The following PAK3 variants were observed in gnomAD, a reference collection of about 807,000 sequenced individuals.
PAK3 encodes serine/threonine-protein kinase PAK 3.
In PAK3, 4 loss-of-function variants were observed where a neutral mutation model predicts 41.0. The ratio of observed to expected loss-of-function variants is 0.10; its 90% confidence interval spans 0.05 to 0.22. The LOEUF (loss-of-function observed/expected upper bound fraction) is 0.22. Among genes scored for constraint, PAK3 ranks in the 10% least tolerant of loss-of-function variants. PAK3 has a pLI of 1.00. For missense variants in PAK3, 205 were observed against 409.9 expected (o/e 0.50, Z 4.32); for synonymous variants, 146 against 139.6 (o/e 1.05, Z -0.32).
intron 1 of PAK3, among the ~76,000 whole-genome samples, chrX:110,999,922 C>T (rs1291840614): frequency 9.0e-6 from 1 of 111,285 alleles, no homozygotes; most frequent in African/African-American, 3.3e-5. Flanking sequence ...GAGCTAAGAT[C>T]GCGCCACTAC....
intron 1 of PAK3, among the ~76,000 whole-genome samples, chrX:111,052,348 G>A (rs763663497): frequency 1.8e-5 from 2 of 112,563 alleles, no homozygotes; most frequent in African/African-American, 6.5e-5. Context: ...AATGTTTTAC[G>A]TAGCTGTGTG....
At chrX:111,205,707 G>T (rs73545213) in intron 16 of PAK3, among the ~76,000 whole-genome samples, 21,464 of 110,548 alleles carry the variant, frequency 0.19, 4,614 homozygotes, top group African/African-American at 0.63. Context: ...CTCTGTAGTA[G>T]TATTAAAAGA....
intron 4 of PAK3, among the ~76,000 whole-genome samples, chrX:111,121,159 T>C (rs1603265083): frequency 8.9e-6 from 1 of 112,371 alleles, no homozygotes; most frequent in South Asian, 3.7e-4. Flanking sequence ...GTTCTGTAGT[T>C]TGACCTAAAT....
At chrX:111,066,636 A>G (rs1278901666) in intron 1 of PAK3, among the ~76,000 whole-genome samples, 1 of 112,091 alleles carries the variant, frequency 8.9e-6, no homozygotes, top group Non-Finnish European at 1.9e-5. Context: ...TTCTGCCTCA[A>G]TAATCTGTCT....
intron 7 of PAK3, among the ~76,000 whole-genome samples, chrX:111,151,618 T>A (rs750106562): frequency 8.9e-6 from 1 of 112,301 alleles, no homozygotes; most frequent in Non-Finnish European, 1.9e-5. Context: ...AATGGATGCC[T>A]GGAACCATGG....
chrX:110,961,841 G>T (rs912174624), intron 1 of PAK3, among the ~76,000 whole-genome samples: 3 of 111,945 alleles, frequency 2.7e-5, no homozygotes, highest in Non-Finnish European at 3.8e-5. Context: ...CAAATCTAAT[G>T]AATAGTTCTG....
chrX:111,170,866 G>A (rs867182137), intron 10 of PAK3, among the ~76,000 whole-genome samples: 1 of 111,424 alleles, frequency 9.0e-6, no homozygotes, highest in African/African-American at 3.3e-5. Context: ...AGCTAGACTG[G>A]TTAGATAGGA....
chrX:111,113,410 G>A lies in PAK3; in HGVS notation c.-27-9667G>A, dbSNP rs145957743. On this transcript the variant is annotated intron_variant, in intron 4 of 17. Transcript: ENST00000372007. The stretch of plus-strand genomic sequence containing the variant: ...TAGTATATATGAATGTTGGTGGTGG[G>A]AGGATGTAAGGCCAGGCAGCTATGT... 3.8e-4 allele frequency among the ~76,000 whole-genome samples: 42 copies of A among 111,482 alleles called. No individual in the cohort carries two copies. The East Asian group carries it at 8.5e-3, about 23-fold the overall frequency.
At chrX:111,028,034 T>C (rs960476646) in intron 1 of PAK3, among the ~76,000 whole-genome samples, 23 of 105,323 alleles carry the variant, frequency 2.2e-4, no homozygotes, top group African/African-American at 7.9e-4. Context: ...TATGTGTGTA[T>C]ATATATATAC....
intron 1 of PAK3, among the ~76,000 whole-genome samples, chrX:111,089,090 A>T (rs1395455025): frequency 8.9e-6 from 1 of 112,117 alleles, no homozygotes; most frequent in Non-Finnish European, 1.9e-5. Flanking sequence ...GTATGTAAAA[A>T]CCAGGCAAGT....
intron 1 of PAK3, among the ~76,000 whole-genome samples, chrX:111,059,341 T>A (rs2092635090): frequency 2.7e-5 from 3 of 110,681 alleles, no homozygotes; most frequent in Middle Eastern, 4.7e-3. Flanking sequence ...ATTATTTTTT[T>A]GTAATTTTTT....
intron 16 of PAK3, among the ~76,000 whole-genome samples, chrX:111,197,821 A>C (rs2094632846): frequency 9.0e-6 from 1 of 111,112 alleles, no homozygotes; most frequent in African/African-American, 3.3e-5. Flanking sequence ...CAGCCTCCCA[A>C]GTAGATGGGA....
chrX:110,956,373 G>C (rs1361221070), intron 1 of PAK3, among the ~76,000 whole-genome samples: 2 of 111,719 alleles, frequency 1.8e-5, no homozygotes, highest in African/African-American at 6.5e-5. Context: ...GCCATCCTCA[G>C]AGGACTTGTG....
At chrX:111,215,141 CA>C (rs1190229183) in intron 16 of PAK3, among the ~76,000 whole-genome samples, 2 of 111,823 alleles carry the variant, frequency 1.8e-5, no homozygotes, top group African/African-American at 6.5e-5. Flanking sequence ...CGTGATCCTT[CA>C]AAGCAAGAAC....
chrX:110,964,450 C>T (rs758827319), intron 1 of PAK3, among the ~76,000 whole-genome samples: 1 of 112,203 alleles, frequency 8.9e-6, no homozygotes, highest in Admixed American at 9.4e-5. Flanking sequence ...TGTAGCAGGT[C>T]CATGGACCAC....
chrX:111,092,576 AC>A (rs1024910305), upstream of PAK3, among the ~76,000 whole-genome samples: 3 of 111,888 alleles, frequency 2.7e-5, no homozygotes, highest in African/African-American at 9.8e-5. Flanking sequence ...TGATTCACTT[AC>A]TTGGGCAGGA....
chrX:111,060,025 C>T (rs2092642387), intron 1 of PAK3, among the ~76,000 whole-genome samples: 2 of 111,585 alleles, frequency 1.8e-5, no homozygotes, highest in East Asian at 2.8e-4. Context: ...TAAGGAGAAA[C>T]TTTCAGTCTT....
chrX:111,025,339 A>G, intron 1 of PAK3, among the ~76,000 whole-genome samples: 1 of 111,562 alleles, frequency 9.0e-6, no homozygotes. Flanking sequence ...ACAAAAGATA[A>G]ATGAAACAAA....
chrX:110,967,098 C>T (rs946212370), intron 1 of PAK3, among the ~76,000 whole-genome samples: 1 of 112,033 alleles, frequency 8.9e-6, no homozygotes, highest in Non-Finnish European at 1.9e-5. Flanking sequence ...GATCTTCCTG[C>T]CCAGACAAAC....
Sources: gnomAD v4.1 joint callset for allele counts (sites outside exome capture counted in the v4.1 genomes callset) on GRCh38, gnomAD v4.1.1 for gene constraint, MANE v1.5 for transcripts, NCBI Gene and HGNC (gene_info 2026-07-23, HGNC 2026-07-21) for gene names.